The following NAV3 variants were observed in gnomAD, a reference collection of about 807,000 sequenced individuals.
NAV3 encodes the protein neuron navigator 3, also known as pore membrane and/or filament interacting like protein 1.
Under a neutral mutation model 244.7 loss-of-function variants are expected in NAV3, and 87 were observed. The ratio of observed to expected loss-of-function variants is 0.36; its 90% confidence interval spans 0.30 to 0.42. NAV3 has a LOEUF of 0.42. NAV3 is among the 20% of genes least tolerant of loss of function. The probability of loss-of-function intolerance (pLI) is 1.00; values close to 1 mark genes in which losing one functional copy is unlikely to be tolerated. For missense variants in NAV3, 2,663 were observed against 2,893.3 expected (o/e 0.92, Z 1.83); for synonymous variants, 1,126 against 1,042.2 (o/e 1.08, Z -1.55).
chr12:77,890,505 A>G (rs1288693979), intron 1 of NAV3, among the ~76,000 whole-genome samples: 1 of 152,186 alleles, frequency 6.6e-6, no homozygotes, highest in Non-Finnish European at 1.5e-5. Context: ...ATTATGAAAT[A>G]AATATGATAA....
intron 2 of NAV3, chr12:77,783,456 G>A (rs955778134): frequency 1.1e-4 from 16 of 152,180 alleles, no homozygotes; most frequent in African/African-American, 3.6e-4. Flanking sequence ...ATGGAAGGGT[G>A]TGGTGCACAG....
At chr12:77,825,545 C>A (rs1872946038) in intron 2 of NAV3, among the ~76,000 whole-genome samples, 2 of 151,966 alleles carry the variant, frequency 1.3e-5, no homozygotes, top group African/African-American at 4.8e-5. Context: ...CTAGAGGAAA[C>A]AGAAGAATAA....
At chr12:77,595,795 C>A (rs1870142171) in intron 2 of NAV3, among the ~76,000 whole-genome samples, 1 of 151,908 alleles carries the variant, frequency 6.6e-6, no homozygotes, top group Non-Finnish European at 1.5e-5. Flanking sequence ...TAGTGTCATG[C>A]AAAAATTTAT....
chr12:77,684,966 G>A (rs1458609328), intron 2 of NAV3, among the ~76,000 whole-genome samples: 1 of 151,984 alleles, frequency 6.6e-6, no homozygotes. Context: ...AATCATTACG[G>A]ACTGTGTAAC....
intron 2 of NAV3, among the ~76,000 whole-genome samples, chr12:77,799,205 A>C (rs546669406): frequency 6.6e-6 from 1 of 152,370 alleles, no homozygotes; most frequent in South Asian, 2.1e-4. Flanking sequence ...GTGTGGAAGA[A>C]GTCACTGTGA....
chr12:77,966,890 G>C (rs1373973026), intron 4 of NAV3, among the ~76,000 whole-genome samples: 2 of 152,032 alleles, frequency 1.3e-5, no homozygotes, highest in Middle Eastern at 3.2e-3. Flanking sequence ...TTTTGACATT[G>C]ATCTTTTTTC....
At chr12:77,967,515 C>A (rs941738154) in intron 4 of NAV3, among the ~76,000 whole-genome samples, 2 of 152,060 alleles carry the variant, frequency 1.3e-5, no homozygotes, top group Non-Finnish European at 2.9e-5. Context: ...CATCAGAGAG[C>A]AAGAAATCCA....
At chr12:77,705,766 A>G (rs1875769818) in intron 2 of NAV3, among the ~76,000 whole-genome samples, 1 of 151,434 alleles carries the variant, frequency 6.6e-6, no homozygotes, top group Non-Finnish European at 1.5e-5. Context: ...TTATGCCATC[A>G]AGGGGGTTTT....
intron 2 of NAV3, among the ~76,000 whole-genome samples, chr12:77,659,781 TA>T (rs1018310693): frequency 6.6e-6 from 1 of 152,094 alleles, no homozygotes; most frequent in Non-Finnish European, 1.5e-5. Flanking sequence ...TATGCAGCCA[TA>T]AAAAATGATG....
intron 24 of NAV3, among the ~76,000 whole-genome samples, chr12:78,171,956 A>G (rs118173993): frequency 1.3e-5 from 2 of 151,604 alleles, no homozygotes; most frequent in Non-Finnish European, 3.0e-5. Flanking sequence ...ATAAATGACT[A>G]TAGTCTATAA....
chr12:77,724,867 T>C (rs1488578460), intron 2 of NAV3, among the ~76,000 whole-genome samples: 2 of 152,076 alleles, frequency 1.3e-5, no homozygotes, highest in Non-Finnish European at 2.9e-5. Flanking sequence ...AGAAAGTTTA[T>C]GTTCTGTGCT....
At position 78,128,732 on chromosome 12, in the gene NAV3, A is replaced by G. The variant is rs919658437; in HGVS notation, c.4307A>G (p.Asn1436Ser). Residue 1436 changes from asparagine to serine, a missense_variant, in exon 18 of 40, where the codon AAC becomes AGC. By Grantham distance (46) the Asn-to-Ser change is conservative. Around this residue, in one of 6 missense-constraint regions of NAV3, gnomAD observed 354 missense variants for 413.0 expected, o/e 0.86. Transcript: ENST00000397909. ...LRYTPSSRQANQEEGKEWLRS... is the reference protein window; with the variant it reads ...LRYTPSSRQASQEEGKEWLRS... Reference sequence around the variant, plus strand: ...TATACCCCATCATCTCGGCAGGCCAACCAAGAAGAGGGCAAAGAGTGGTTG... The same window carrying G: ...TATACCCCATCATCTCGGCAGGCCAGCCAAGAAGAGGGCAAAGAGTGGTTG... The G allele has an allele frequency of 3.1e-6, 5 of 1,613,906 alleles. No individual in the cohort carries two copies. Among genetic ancestry groups the G allele is most frequent in the Non-Finnish European group, 4.2e-6 (5 of 1,179,964 alleles).
At chr12:77,735,928 C>T (rs1253609337) in intron 2 of NAV3, among the ~76,000 whole-genome samples, 1 of 152,142 alleles carries the variant, frequency 6.6e-6, no homozygotes, top group Admixed American at 6.5e-5. Context: ...GGTTTAGTCT[C>T]CCTGCATCTT....
chr12:77,874,241 A>G (rs1677925), intron 1 of NAV3, among the ~76,000 whole-genome samples: 22,185 of 151,874 alleles, frequency 0.15, 1,771 homozygotes, highest in African/African-American at 0.22. Flanking sequence ...TTATTTTGAG[A>G]TGAGTCTCAC....
At chr12:78,177,950 C>G (rs1323034022) in intron 28 of NAV3, among the ~76,000 whole-genome samples, 1 of 151,770 alleles carries the variant, frequency 6.6e-6, no homozygotes, top group Non-Finnish European at 1.5e-5. Flanking sequence ...GGGGTACTTT[C>G]CAAGACCCCC....
At chr12:78,034,035 C>A (rs953457055) in intron 9 of NAV3, among the ~76,000 whole-genome samples, 14 of 152,202 alleles carry the variant, frequency 9.2e-5, no homozygotes, top group African/African-American at 3.1e-4. Context: ...TTAATGTCAG[C>A]AAAATACATC....
chr12:77,724,274 T>G, intron 2 of NAV3, among the ~76,000 whole-genome samples: 1 of 151,988 alleles, frequency 6.6e-6, no homozygotes, highest in East Asian at 1.9e-4. Context: ...TTGATTATGC[T>G]TTTTCTGTAT....
chr12:78,144,183 G>A (rs1038734055), intron 20 of NAV3, among the ~76,000 whole-genome samples: 1 of 152,058 alleles, frequency 6.6e-6, no homozygotes, highest in Non-Finnish European at 1.5e-5. Flanking sequence ...TTTTTCATGA[G>A]AGCAAGTGTC....
intron 22 of NAV3, among the ~76,000 whole-genome samples, chr12:78,157,786 TGA>T (rs367611002): frequency 1.3e-4 from 19 of 148,932 alleles, no homozygotes; most frequent in South Asian, 2.1e-4. Context: ...TGTGTTTGTG[TGA>T]GAGAGAGAGA....
Sources: allele counts gnomAD v4.1 joint callset (sites outside exome capture counted in the v4.1 genomes callset), GRCh38; gene constraint gnomAD v4.1.1; regional missense constraint gnomAD v4.1.1; transcripts MANE v1.5; gene names NCBI Gene and HGNC (gene_info 2026-07-23, HGNC 2026-07-21).